Variants in TENM2 observed in about 807,000 individuals in gnomAD.
The protein encoded by TENM2 is teneurin transmembrane protein 2, also known as teneurin-2.
A neutral mutation model predicts 245.2 loss-of-function variants in TENM2; 52 were observed. The ratio of observed to expected loss-of-function variants is 0.21; its 90% CI spans 0.17 to 0.27. The LOEUF is 0.27. Among genes scored for constraint, TENM2 ranks in the 10% least tolerant of loss-of-function variants. TENM2 has a pLI of 1.00. For synonymous variants in TENM2, 1,363 were observed against 1,438.9 expected (o/e 0.95, Z 1.19); for missense variants, 3,046 against 3,666.8 (o/e 0.83, Z 4.37).
chr5:168,010,563 T>C (rs971968669), intron 5 of TENM2, among the ~76,000 whole-genome samples: 1 of 152,236 alleles, frequency 6.6e-6, no homozygotes, highest in Non-Finnish European at 1.5e-5. Flanking sequence ...AACAGTGTTT[T>C]ACAATCTCCA....
chr5:167,439,384 G>C (rs1230899520), intron 2 of TENM2, among the ~76,000 whole-genome samples: 2 of 152,102 alleles, frequency 1.3e-5, no homozygotes, highest in Non-Finnish European at 2.9e-5. Flanking sequence ...TTTGATGATT[G>C]AACAACTGTT....
At position 167,962,542 on chromosome 5, in the gene TENM2, T is replaced by C. The variant is rs560392643; in HGVS notation, c.947+9720T>C. On this transcript the variant is annotated intron_variant, in intron 4 of 28. Transcript: ENST00000518659. ...GATTCTGTTTTAAATATTATTTGTA[T>C]TAGTTTGTTCTCACACTGCTAATAA... Among the ~76,000 whole-genome samples the C allele has an allele frequency of 2.5e-3, 377 of 152,300 alleles. 4 individuals carry two copies. The highest frequency in any genetic ancestry group is 8.4e-3 in the African/African-American group (351 of 41,556).
chr5:168,157,833 G>A (rs1757318714), intron 12 of TENM2, among the ~76,000 whole-genome samples: 1 of 152,184 alleles, frequency 6.6e-6, no homozygotes, highest in South Asian at 2.1e-4. Context: ...GCAAGTTGGA[G>A]TTCAGGTCTA....
At chr5:168,023,046 C>T (rs1786300924) in intron 5 of TENM2, among the ~76,000 whole-genome samples, 1 of 152,184 alleles carries the variant, frequency 6.6e-6, no homozygotes, top group Non-Finnish European at 1.5e-5. Context: ...GCAGGAGGGA[C>T]TTGGATTAGC....
chr5:167,944,291 C>T (rs1265361729), intron 3 of TENM2, among the ~76,000 whole-genome samples: 1 of 152,188 alleles, frequency 6.6e-6, no homozygotes, highest in Non-Finnish European at 1.5e-5. Context: ...CCTGCCTGTG[C>T]CTGGCTAGGT....
Position 168,012,266 on chromosome 5 carries a change from T to A in TENM2, c.1186+19084T>A, listed in dbSNP as rs75819149. ...GACACATTCCTTAGCTAGTACTCCA[T>A]TGTAAAACAATCCATGTCAGGGCAC... is the stretch of plus-strand genomic sequence containing the variant. On this transcript the variant is annotated intron_variant, in intron 5 of 28. Transcript: ENST00000518659. 2.5e-3 allele frequency among the ~76,000 whole-genome samples: 385 copies of A among 152,274 alleles called. 1 individual carries two copies. Among genetic ancestry groups the A allele is most frequent in the African/African-American group, 8.9e-3 (368 of 41,550 alleles).
the TENM2 span, among the ~76,000 whole-genome samples, chr5:167,020,944 G>A: frequency 3.9e-5 from 6 of 152,176 alleles, no homozygotes; most frequent in Non-Finnish European, 5.9e-5. Flanking sequence ...AGGAGTTCGA[G>A]TGCAGCCTGG....
At chr5:167,089,270 A>G in the TENM2 span, among the ~76,000 whole-genome samples, 1 of 152,202 alleles carries the variant, frequency 6.6e-6, no homozygotes. Flanking sequence ...TGTTTTTTGC[A>G]TGATATGGGT....
chr5:167,883,323 CTT>C (rs1329213317), intron 3 of TENM2, among the ~76,000 whole-genome samples: 1 of 152,232 alleles, frequency 6.6e-6, no homozygotes, highest in Non-Finnish European at 1.5e-5. Context: ...AGAGATCAGA[CTT>C]TTCCTTCTTT....
At chr5:167,175,066 C>A in the TENM2 span, among the ~76,000 whole-genome samples, 1 of 152,154 alleles carries the variant, frequency 6.6e-6, no homozygotes, top group East Asian at 1.9e-4. Flanking sequence ...ATTTCCTTAT[C>A]CATTTATCCA....
At chr5:167,305,891 G>T (rs1433576282) in intron 1 of TENM2, among the ~76,000 whole-genome samples, 3 of 152,190 alleles carry the variant, frequency 2.0e-5, no homozygotes, top group Non-Finnish European at 4.4e-5. Flanking sequence ...AATAACTGAG[G>T]TTGAGAGATT....
chr5:167,851,518 A>G (rs985659644), intron 2 of TENM2, among the ~76,000 whole-genome samples: 1 of 152,114 alleles, frequency 6.6e-6, no homozygotes, highest in Non-Finnish European at 1.5e-5. Flanking sequence ...TCTTGTTTTA[A>G]GGTATAAAAA....
chr5:167,447,038 T>G (rs1257463932), intron 2 of TENM2, among the ~76,000 whole-genome samples: 1 of 152,176 alleles, frequency 6.6e-6, no homozygotes, highest in East Asian at 1.9e-4. Flanking sequence ...CTTAAGAAGT[T>G]TTGGAATTGG....
chr5:167,413,916 C>T (rs919164075), intron 2 of TENM2, among the ~76,000 whole-genome samples: 2 of 152,078 alleles, frequency 1.3e-5, no homozygotes, highest in African/African-American at 4.8e-5. Flanking sequence ...AATACTTTAC[C>T]ACCTAACGTT....
intron 2 of TENM2, among the ~76,000 whole-genome samples, chr5:167,515,831 G>A (rs1265825734): frequency 3.3e-5 from 5 of 151,128 alleles, no homozygotes; most frequent in Non-Finnish European, 5.9e-5. Context: ...ACGCTCATAG[G>A]GCAATATTTA....
chr5:167,463,078 T>G (rs1012612981), intron 2 of TENM2, among the ~76,000 whole-genome samples: 137 of 152,268 alleles, frequency 9.0e-4, no homozygotes, highest in African/African-American at 3.2e-3. Flanking sequence ...CATGGAAATG[T>G]AAGTAGAGAT....
chr5:167,881,983 C>A (rs1056072390), intron 3 of TENM2, among the ~76,000 whole-genome samples: 4 of 152,170 alleles, frequency 2.6e-5, no homozygotes, highest in African/African-American at 9.7e-5. Context: ...GACAAAACCA[C>A]GGCACAAAGA....
At chr5:167,161,311 T>C in the TENM2 span, among the ~76,000 whole-genome samples, 1 of 152,236 alleles carries the variant, frequency 6.6e-6, no homozygotes, top group Non-Finnish European at 1.5e-5. Flanking sequence ...GACTATACCC[T>C]GCTTCTCCCT....
the TENM2 span, among the ~76,000 whole-genome samples, chr5:167,162,119 C>T: frequency 2.7e-5 from 4 of 150,436 alleles, no homozygotes; most frequent in Non-Finnish European, 4.4e-5. Flanking sequence ...CAGCTGTGAG[C>T]TGAGATCACA....
Sources: gnomAD v4.1 joint callset for allele counts (sites outside exome capture counted in the v4.1 genomes callset) on GRCh38, gnomAD v4.1.1 for gene constraint, MANE v1.5 for transcripts, NCBI Gene and HGNC (gene_info 2026-07-23, HGNC 2026-07-21) for gene names.